ANAPC1: variants seen among roughly 807,000 people sequenced by gnomAD.
The protein encoded by ANAPC1 is anaphase promoting complex subunit 1, also known as anaphase-promoting complex subunit 1.
Under a neutral mutation model 208.0 loss-of-function variants are expected in ANAPC1, and 36 were observed. That is an observed-to-expected ratio of 0.17 (90% CI 0.13 to 0.23). ANAPC1 has a LOEUF of 0.23. Among genes scored for constraint, ANAPC1 ranks in the 10% least tolerant of loss-of-function variants. The pLI, the probability that ANAPC1 is intolerant of heterozygous loss-of-function variation, is 1.00. For missense variants in ANAPC1, 942 were observed against 2,011.6 expected, an observed-to-expected ratio of 0.47 and a Z score of 10.17; for synonymous variants, 378 against 695.2, an observed-to-expected ratio of 0.54 and a Z score of 7.18.
At chr2:111,775,731 A>G (rs1186190369) in intron 46 of ANAPC1, among the ~76,000 whole-genome samples, 1 of 152,100 alleles carries the variant, frequency 6.6e-6, no homozygotes, top group Non-Finnish European at 1.5e-5. Context: ...GGGAATCTGC[A>G]AAGATTTAAG....
intron 18 of ANAPC1, among the ~76,000 whole-genome samples, chr2:111,835,842 AAAAAT>A (rs915930793): frequency 5.9e-5 from 9 of 152,194 alleles, no homozygotes; most frequent in East Asian, 5.8e-4. Flanking sequence ...ACTCCATCTC[AAAAAT>A]AAAATAAAAT....
chr2:111,788,982 C>A (rs1348139118), intron 38 of ANAPC1, among the ~76,000 whole-genome samples: 1 of 152,222 alleles, frequency 6.6e-6, no homozygotes, highest in Non-Finnish European at 1.5e-5. Context: ...ACTAAAAATA[C>A]AAAAAATTAG....
At chr2:111,830,226 C>T (rs1199664680) in intron 21 of ANAPC1, among the ~76,000 whole-genome samples, 1 of 152,124 alleles carries the variant, frequency 6.6e-6, no homozygotes, top group Non-Finnish European at 1.5e-5. Flanking sequence ...AGTCCAGAAA[C>T]AGACACACAA....
At chr2:111,876,023 T>C (rs1683006651) in intron 3 of ANAPC1, among the ~76,000 whole-genome samples, 1 of 152,170 alleles carries the variant, frequency 6.6e-6, no homozygotes, top group East Asian at 1.9e-4. Context: ...TTCTAGGCTA[T>C]GAGTCCTTCA....
At position 111,821,225 on chromosome 2, in the gene ANAPC1, G is replaced by C; in HGVS notation, c.3206+14C>G. ...TGAAACATGACAAGAGATAGTGCAC[G>C]TGTTTTCTTTCACCTGTTTTCCTTT... is the stretch of plus-strand genomic sequence containing the variant. On this transcript the variant is annotated intron_variant, in intron 26 of 47. Coordinates refer to ENST00000341068, the MANE Select transcript of ANAPC1 (RefSeq NM_022662.4). 1 of 1,587,270 alleles carries C rather than the reference G, an allele frequency of 6.3e-7. No homozygotes were observed. Among genetic ancestry groups the C allele is most frequent in the Non-Finnish European group, 8.6e-7 (1 of 1,157,306 alleles).
At chr2:111,841,301 T>C (rs1041567049) in intron 17 of ANAPC1, among the ~76,000 whole-genome samples, 16 of 151,606 alleles carry the variant, frequency 1.1e-4, no homozygotes, top group Admixed American at 3.9e-4. Flanking sequence ...TACATTCCAG[T>C]TGGGGGAGGA....
intron 3 of ANAPC1, among the ~76,000 whole-genome samples, chr2:111,874,925 C>A (rs1302283958): frequency 1.3e-5 from 2 of 152,192 alleles, no homozygotes; most frequent in Non-Finnish European, 2.9e-5. Context: ...TCACATGACC[C>A]CCCTGCCTCA....
At chr2:111,846,550 T>TACATATACATATATATATATATATAC (rs1472004873) in intron 16 of ANAPC1, among the ~76,000 whole-genome samples, 1 of 70,410 alleles carries the variant, frequency 1.4e-5, no homozygotes, top group Non-Finnish European at 2.5e-5. Context: ...TATATATATA[T>TACATATACATATATATATATATATAC]ATATATATAT....
intron 18 of ANAPC1, among the ~76,000 whole-genome samples, chr2:111,837,493 G>A (rs900533713): frequency 1.3e-5 from 2 of 152,198 alleles, no homozygotes; most frequent in Non-Finnish European, 2.9e-5. Flanking sequence ...GGTGGCGCAT[G>A]CCTATAATCC....
intron 13 of ANAPC1, among the ~76,000 whole-genome samples, chr2:111,853,757 C>G (rs1489454556): frequency 6.6e-6 from 1 of 151,960 alleles, no homozygotes; most frequent in African/African-American, 2.4e-5. Context: ...CCCTCTGTCG[C>G]CCAGGCTGGA....
intron 13 of ANAPC1, among the ~76,000 whole-genome samples, chr2:111,852,659 C>T: frequency 6.6e-6 from 1 of 152,004 alleles, no homozygotes; most frequent in East Asian, 1.9e-4. Flanking sequence ...GTCAGCAAAC[C>T]ATGTTCCATG....
At chr2:111,864,463 C>CTTTTTTTTTTTTTTTTTTTTTTT (rs1156702851) in intron 8 of ANAPC1, among the ~76,000 whole-genome samples, 1 of 95,186 alleles carries the variant, frequency 1.1e-5, no homozygotes, top group Non-Finnish European at 1.9e-5. Flanking sequence ...TATATATATA[C>CTTTTTTTTTTTTTTTTTTTTTTT]TTTTTTTTTT....
chr2:111,862,636 G>A (rs1381437165), intron 9 of ANAPC1, 38 bp from the exon 10 acceptor site: 1 of 1,595,772 alleles, frequency 6.3e-7, no homozygotes, highest in Non-Finnish European at 8.5e-7. Flanking sequence ...ATCACAGTTA[G>A]CAAGGCAGGC....
intron 17 of ANAPC1, among the ~76,000 whole-genome samples, chr2:111,838,906 A>T (rs1180755942): frequency 1.3e-5 from 2 of 152,204 alleles, no homozygotes; most frequent in Admixed American, 6.5e-5. Flanking sequence ...CTAAGCAAAC[A>T]TTTATTTACA....
intron 17 of ANAPC1, among the ~76,000 whole-genome samples, chr2:111,840,289 C>G (rs1016010226): frequency 1.3e-5 from 2 of 152,104 alleles, no homozygotes; most frequent in African/African-American, 4.8e-5. Flanking sequence ...AAGAATAAAT[C>G]TGAACAAAGC....
At chr2:111,854,778 C>T (rs2104533171) in intron 13 of ANAPC1, among the ~76,000 whole-genome samples, 1 of 152,306 alleles carries the variant, frequency 6.6e-6, no homozygotes, top group African/African-American at 2.4e-5. Context: ...GCTGTGGATT[C>T]GACTTCAGCA....
chr2:111,862,273 T>C (rs1682110422), intron 10 of ANAPC1, 116 bp downstream of exon 10: 7 of 997,814 alleles, frequency 7.0e-6, no homozygotes, highest in African/African-American at 3.3e-5. Context: ...TCTCTATATA[T>C]TTTTACATAT....
intron 39 of ANAPC1, among the ~76,000 whole-genome samples, chr2:111,787,166 A>T (rs1190655717): frequency 6.6e-6 from 1 of 151,418 alleles, no homozygotes; most frequent in African/African-American, 2.4e-5. Context: ...AAAAAAAAAG[A>T]TTCTTGTCAC....
At chr2:111,804,351 C>A (rs1678575815) in intron 30 of ANAPC1, among the ~76,000 whole-genome samples, 1 of 81,318 alleles carries the variant, frequency 1.2e-5, no homozygotes, top group African/African-American at 4.9e-5. Flanking sequence ...GGTTATACAG[C>A]TATTATAGTT....
Sources: gnomAD v4.1 joint callset for allele counts (sites outside exome capture counted in the v4.1 genomes callset) on GRCh38, gnomAD v4.1.1 for gene constraint, MANE v1.5 for transcripts, NCBI Gene and HGNC (gene_info 2026-07-23, HGNC 2026-07-21) for gene names.